LRBA: variants seen among roughly 807,000 people sequenced by gnomAD.
LRBA encodes LPS responsive beige-like anchor protein, also known as lipopolysaccharide-responsive and beige-like anchor protein.
LRBA carries 176 observed loss-of-function variants against 330.0 expected under a neutral mutation model. That is an observed-to-expected ratio of 0.53 (90% CI 0.47 to 0.60). LRBA has a LOEUF of 0.60. Ranked by LOEUF, LRBA falls within the 20% of genes least tolerant of loss-of-function variation. LRBA has a pLI of 0.00. For missense variants in LRBA, 3,259 were observed against 3,444.8 expected, an observed-to-expected ratio of 0.95 and a Z score of 1.35; for synonymous variants, 1,230 against 1,193.0, an observed-to-expected ratio of 1.03 and a Z score of -0.64.
At chr4:150,804,773 T>G (rs527600636) in intron 33 of LRBA, among the ~76,000 whole-genome samples, 2 of 152,148 alleles carry the variant, frequency 1.3e-5, no homozygotes, top group South Asian at 4.2e-4. Flanking sequence ...AAAAATTAAT[T>G]CTATATCATC....
At position 150,794,264 on chromosome 4, in the gene LRBA, G is replaced by C. The variant is rs138810160; in HGVS notation, c.5580+3817C>G. Among the ~76,000 whole-genome samples, 188 of 152,266 alleles carry C rather than the reference G, an allele frequency of 1.2e-3. 3 individuals are homozygous for C. Among genetic ancestry groups the C allele is most frequent in the African/African-American group, 4.4e-3 (184 of 41,562 alleles). Reference sequence around the variant, plus strand: ...AGACCTAAATGGTAAAGGACACCTTGTGCCATGTATGGAGCTGGTTTGCCT... The same window carrying C: ...AGACCTAAATGGTAAAGGACACCTTCTGCCATGTATGGAGCTGGTTTGCCT... On this transcript the variant is annotated intron_variant, in intron 34 of 56. Coordinates refer to ENST00000651943, the MANE Select transcript of LRBA (RefSeq NM_001364905.1).
Position 150,906,406 on chromosome 4 carries a change from C to A in LRBA, c.1494-1G>T. 1.3e-6 allele frequency: 2 copies of A among 1,564,288 alleles called. No individual in the cohort carries two copies. The highest frequency in any genetic ancestry group is 8.8e-7 in the Non-Finnish European group (1 of 1,139,522). ...CATGATAAAGGCCAGCAAGGTTGAA[C>A]TAGAATTTTTTAAAAAGGCGATGAT... On this transcript the variant is annotated splice_acceptor_variant, in intron 11 of 56. Transcript: ENST00000651943. LOFTEE classifies it high-confidence loss of function.
chr4:150,457,476 A>G (rs2152042155), intron 44 of LRBA, among the ~76,000 whole-genome samples: 1 of 152,162 alleles, frequency 6.6e-6, no homozygotes, highest in African/African-American at 2.4e-5. Context: ...GAATTTGAAC[A>G]TAAGAATAAA....
chr4:150,700,858 A>T (rs1440072331), intron 36 of LRBA, among the ~76,000 whole-genome samples: 1 of 151,434 alleles, frequency 6.6e-6, no homozygotes, highest in Non-Finnish European at 1.5e-5. Flanking sequence ...ACTGGGCTCG[A>T]GTGATTCTCC....
chr4:150,703,708 A>G (rs2127005756), intron 36 of LRBA, among the ~76,000 whole-genome samples: 1 of 152,348 alleles, frequency 6.6e-6, no homozygotes, highest in African/African-American at 2.4e-5. Flanking sequence ...CATGATTGTA[A>G]TAAGAGAAGT....
At chr4:150,436,427 C>T (rs2151994852) in intron 45 of LRBA, among the ~76,000 whole-genome samples, 1 of 152,206 alleles carries the variant, frequency 6.6e-6, no homozygotes, top group South Asian at 2.1e-4. Flanking sequence ...TAACAACTTA[C>T]TTAGTTCTTA....
intron 37 of LRBA, among the ~76,000 whole-genome samples, chr4:150,622,622 C>G (rs999472567): frequency 6.7e-6 from 1 of 149,830 alleles, no homozygotes; most frequent in Non-Finnish European, 1.5e-5. Flanking sequence ...GGGGAAAATG[C>G]GGGAGCTTCA....
At position 150,928,452 on chromosome 4, in the gene LRBA, A is replaced by C. The variant is rs1734111392; in HGVS notation, c.549+64T>G. 3.4e-5 allele frequency: 32 copies of C among 935,926 alleles called. No individual in the cohort carries two copies. The South Asian group carries it at 4.3e-4, about 13-fold the overall frequency. 58.0% of individuals were successfully genotyped at this position (935,926 alleles called of 1,614,324 possible). On this transcript the variant is annotated intron_variant, in intron 4 of 56. Transcript: ENST00000651943. The stretch of plus-strand genomic sequence containing the variant: ...TGTATAATAATATCAGTTACTTTAC[A>C]AGCTACGAATGTGTTTGGGAGGAGC...
intron 47 of LRBA, among the ~76,000 whole-genome samples, chr4:150,407,871 A>ACTTTGTTTT (rs1746417280): frequency 6.6e-6 from 1 of 152,184 alleles, no homozygotes; most frequent in Non-Finnish European, 1.5e-5. Flanking sequence ...AAACAAGGAA[A>ACTTTGTTTT]CAAAATATCA....
At chr4:150,882,677 C>A (rs765828892) in intron 17 of LRBA, among the ~76,000 whole-genome samples, 2 of 151,940 alleles carry the variant, frequency 1.3e-5, no homozygotes, top group Admixed American at 6.6e-5. Context: ...GCAAGAGAAA[C>A]GCCCAAAAAG....
chr4:150,678,211 G>A lies in LRBA; in HGVS notation c.5921+5340C>T, dbSNP rs900386739. Among the ~76,000 whole-genome samples the A allele has an allele frequency of 1.8e-3, 268 of 151,106 alleles. 2 individuals are homozygous for A. The highest frequency in any genetic ancestry group is 6.3e-3 in the African/African-American group (259 of 41,256). On this transcript the variant is annotated intron_variant, in intron 37 of 56. Transcript: ENST00000651943. Reference sequence around the variant, plus strand: ...AGCTGAGATCCTGCCACTGCACTCCGGCCTGGGTGACAGAGTGAGACTCTG... The same window carrying A: ...AGCTGAGATCCTGCCACTGCACTCCAGCCTGGGTGACAGAGTGAGACTCTG...
At chr4:150,737,662 C>T (rs1484976082) in intron 35 of LRBA, among the ~76,000 whole-genome samples, 1 of 151,770 alleles carries the variant, frequency 6.6e-6, no homozygotes, top group Non-Finnish European at 1.5e-5. Flanking sequence ...TTTTTCTGAA[C>T]TTTCTTTATC....
intron 17 of LRBA, among the ~76,000 whole-genome samples, chr4:150,885,844 A>T (rs893693172): frequency 6.6e-6 from 1 of 152,234 alleles, no homozygotes; most frequent in African/African-American, 2.4e-5. Flanking sequence ...AAGTTCTTAT[A>T]TCCAGGATAA....
chr4:150,398,790 A>G (rs370487362), intron 47 of LRBA, among the ~76,000 whole-genome samples: 4 of 151,904 alleles, frequency 2.6e-5, no homozygotes, highest in Non-Finnish European at 4.4e-5. Flanking sequence ...CCACACCTAG[A>G]TAAGTTTTTT....
At chr4:150,619,484 T>C (rs1303884586) in intron 37 of LRBA, among the ~76,000 whole-genome samples, 2 of 152,194 alleles carry the variant, frequency 1.3e-5, no homozygotes, top group Non-Finnish European at 2.9e-5. Context: ...TAAACACTTT[T>C]CCTAACAGTA....
At position 150,487,901 on chromosome 4, in the gene LRBA, G is replaced by A. The variant is rs970086692; in HGVS notation, c.6449-67C>T. 8.0e-6 allele frequency: 6 copies of A among 748,458 alleles called. No individual in the cohort carries two copies. In the South Asian group the frequency reaches 1.0e-4, roughly 13 times the overall value. 46.4% of individuals were successfully genotyped at this position (748,458 alleles called of 1,614,324 possible). A position where few individuals can be genotyped will look rare whatever the true frequency, so the allele number is the denominator to read the frequency against. On this transcript the variant is annotated intron_variant, in intron 41 of 56. Coordinates refer to ENST00000651943, the MANE Select transcript of LRBA (RefSeq NM_001364905.1). ...TCCTTTCTGGAAAACTGACTCCTTG[G>A]TCCAATAAAATATTTACTTTTAATT...
chr4:150,599,021 G>A lies in LRBA; in HGVS notation c.6032C>T (p.Thr2011Ile), dbSNP rs999379090. 3.7e-6 allele frequency: 6 copies of A among 1,613,922 alleles called. No homozygotes were observed. In the Admixed American group the frequency reaches 1.0e-4, roughly 27 times the overall value. The part of the protein sequence containing the change: ...GSTHPEATLK[T>I]AVEHATDEDI... ...TATACACTGACCATGTTCCACGGCT[G>A]TTTTTAGTGTCGCTTCAGGATGTGT... The change falls in exon 38 of 57, where the codon ACA becomes ATA. Residue 2011 changes from threonine (T) to isoleucine (I), a missense_variant. Physicochemically the swap from Thr to Ile is moderately conservative, Grantham distance 89 (BLOSUM62 -1). Coordinates refer to ENST00000651943, the MANE Select transcript of LRBA (RefSeq NM_001364905.1).
intron 40 of LRBA, among the ~76,000 whole-genome samples, chr4:150,535,846 A>C (rs1178718916): frequency 6.6e-6 from 1 of 152,062 alleles, no homozygotes; most frequent in African/African-American, 2.4e-5. Flanking sequence ...CCTCTTACTG[A>C]CTCTCAGAGG....
intron 2 of LRBA, among the ~76,000 whole-genome samples, chr4:150,973,220 T>A (rs971409627): frequency 1.3e-5 from 2 of 152,142 alleles, no homozygotes; most frequent in Admixed American, 6.5e-5. Context: ...CAGGCTGGAG[T>A]GCAATGGCAT....
Sources: gnomAD v4.1 joint callset for allele counts (sites outside exome capture counted in the v4.1 genomes callset) on GRCh38, gnomAD v4.1.1 for gene constraint, MANE v1.5 for transcripts, NCBI Gene and HGNC (gene_info 2026-07-23, HGNC 2026-07-21) for gene names.